The following ASCC1 variants were observed in gnomAD, a reference collection of about 807,000 sequenced individuals.
The protein encoded by ASCC1 is ASC-1 complex subunit P50.
A neutral mutation model predicts 46.6 loss-of-function variants in ASCC1; 35 were observed. That is an observed-to-expected ratio of 0.75 (90% CI 0.57 to 0.99). The LOEUF (loss-of-function observed/expected upper bound fraction) is 0.99, where lower values mean the gene tolerates loss of function less well. Among genes scored for constraint, ASCC1 ranks in the 50% least tolerant of loss-of-function variants. The probability of loss-of-function intolerance (pLI) is 0.00; values close to 1 mark genes in which losing one functional copy is unlikely to be tolerated. For synonymous variants in ASCC1, 143 were observed against 146.6 expected, an observed-to-expected ratio of 0.98 and a Z score of 0.18; for missense variants, 376 against 428.7, an observed-to-expected ratio of 0.88 and a Z score of 1.09.
At chr10:72,105,298 T>C (rs1213055565) in intron 9 of ASCC1, among the ~76,000 whole-genome samples, 3 of 152,150 alleles carry the variant, frequency 2.0e-5, no homozygotes, top group Non-Finnish European at 4.4e-5. Flanking sequence ...CTCTGGGGCT[T>C]TGGGGATCGC....
At chr10:72,138,600 CTTTTTTT>C (rs1011535460) in intron 7 of ASCC1, among the ~76,000 whole-genome samples, 26 of 104,522 alleles carry the variant, frequency 2.5e-4, no homozygotes, top group East Asian at 1.4e-3. Context: ...TTCTTTCTTT[CTTTTTTT>C]TTTTTTTTTT....
intron 9 of ASCC1, among the ~76,000 whole-genome samples, chr10:72,105,705 G>C (rs536165874): frequency 6.6e-6 from 1 of 152,206 alleles, no homozygotes; most frequent in Non-Finnish European, 1.5e-5. Context: ...TTCCTAGGGA[G>C]AACACAAAGG....
chr10:72,213,334 G>A lies in ASCC1; in HGVS notation c.-33-3C>T, dbSNP rs1589672031. On this transcript the variant is annotated splice_region_variant and splice_polypyrimidine_tract_variant and intron_variant, in intron 1 of 9. Coordinates refer to ENST00000672957, the MANE Select transcript of ASCC1 (RefSeq NM_001198800.3). ...CCAAATGATATTCCAATTATGCCCT[G>A]AAAAATATAATTACCATCTTACCTT... 7.0e-7 allele frequency: 1 copy of A among 1,434,764 alleles called. No homozygotes were observed. The highest frequency in any genetic ancestry group is 9.8e-7 in the Non-Finnish European group (1 of 1,018,584). The allele number at this position is 1,434,764 out of a possible 1,614,324, so 88.9% of individuals were successfully genotyped here.
intron 5 of ASCC1, among the ~76,000 whole-genome samples, chr10:72,170,106 G>A (rs913566095): frequency 2.0e-5 from 3 of 151,216 alleles, no homozygotes; most frequent in Non-Finnish European, 4.4e-5. Context: ...GGCGACAAGA[G>A]TGAAACTCCG....
At chr10:72,210,233 C>T (rs936762588) in intron 3 of ASCC1, among the ~76,000 whole-genome samples, 1 of 150,818 alleles carries the variant, frequency 6.6e-6, no homozygotes, top group Non-Finnish European at 1.5e-5. Context: ...AATCTCGGCT[C>T]ACTGCAACCT....
In ASCC1 at chr10:72,196,832, T is replaced by C. The variant is rs1417729705; in HGVS notation, c.468A>G (p.Glu156=). 1.9e-6 allele frequency: 3 copies of C among 1,613,226 alleles called. No homozygotes were observed. Among genetic ancestry groups the C allele is most frequent in the Admixed American group, 3.3e-5 (2 of 59,968 alleles). The change falls in exon 5 of 10, where the codon GAA becomes GAG. Residue 156 remains glutamate, a synonymous_variant. Coordinates refer to ENST00000672957, the MANE Select transcript of ASCC1 (RefSeq NM_001198800.3). ...VQEGFLRFQE[E]VLAKCSMDHG... is the part of the protein sequence containing the mutation. ...TTACCATGGAGCACTTCGCCAGTACTTCCTCCTGGAATCTCAGGAATCCTT... is the reference window on the plus strand; with the variant it reads ...TTACCATGGAGCACTTCGCCAGTACCTCCTCCTGGAATCTCAGGAATCCTT...
At chr10:72,170,716 A>T (rs967792855) in intron 5 of ASCC1, among the ~76,000 whole-genome samples, 2 of 152,174 alleles carry the variant, frequency 1.3e-5, no homozygotes, top group African/African-American at 4.8e-5. Context: ...TGAATCCCAA[A>T]CTAGAGAGGG....
In ASCC1 at chr10:72,144,491, T is replaced by A. The variant is rs12249020; in HGVS notation, c.746+8378A>T. On this transcript the variant is annotated intron_variant, in intron 7 of 9. Coordinates refer to ENST00000672957, the MANE Select transcript of ASCC1 (RefSeq NM_001198800.3). The stretch of plus-strand genomic sequence containing the variant: ...TAACATATATTGTAATTATTATATG[T>A]CTGGATTTCTTCCCACCACCTTACT... Among the ~76,000 whole-genome samples, 627 of 152,308 alleles carry A rather than the reference T, an allele frequency of 4.1e-3. 9 individuals are homozygous for A. The highest frequency in any genetic ancestry group is 0.014 in the African/African-American group (562 of 41,564).
intron 9 of ASCC1, among the ~76,000 whole-genome samples, chr10:72,110,701 C>T (rs886204765): frequency 6.6e-6 from 1 of 152,126 alleles, no homozygotes; most frequent in East Asian, 1.9e-4. Flanking sequence ...GCAGGAGAAT[C>T]GCTTGAACCC....
At chr10:72,144,713 T>C (rs1322244297) in intron 7 of ASCC1, among the ~76,000 whole-genome samples, 1 of 152,138 alleles carries the variant, frequency 6.6e-6, no homozygotes. Context: ...GCCTCTCCCT[T>C]GAAATTAAAA....
chr10:72,158,379 A>G (rs1213925282), intron 6 of ASCC1, among the ~76,000 whole-genome samples: 1 of 152,196 alleles, frequency 6.6e-6, no homozygotes, highest in African/African-American at 2.4e-5. Context: ...GAGGCACAGG[A>G]GGGTGCTGCT....
intron 5 of ASCC1, among the ~76,000 whole-genome samples, chr10:72,187,301 ACT>A (rs1375982400): frequency 6.6e-6 from 1 of 152,230 alleles, no homozygotes. Flanking sequence ...AAAGTTAGTC[ACT>A]TAAAAACTAG....
intron 8 of ASCC1, among the ~76,000 whole-genome samples, chr10:72,132,623 T>A (rs1845738779): frequency 6.6e-6 from 1 of 152,060 alleles, no homozygotes; most frequent in African/African-American, 2.4e-5. Flanking sequence ...TAACCAAAAA[T>A]GTCTCCAGAC....
chr10:72,157,585 CTTTA>C, intron 6 of ASCC1, among the ~76,000 whole-genome samples: 1 of 152,278 alleles, frequency 6.6e-6, no homozygotes, highest in Middle Eastern at 3.4e-3. Context: ...ATTCAGCATT[CTTTA>C]TTAAGATTTA....
At chr10:72,104,055 A>G (rs1466334868) in intron 9 of ASCC1, among the ~76,000 whole-genome samples, 1 of 152,164 alleles carries the variant, frequency 6.6e-6, no homozygotes, top group Non-Finnish European at 1.5e-5. Context: ...CTCAGCCATG[A>G]ACCTAGTGAT....
At chr10:72,113,330 C>T (rs1425050642) in intron 9 of ASCC1, among the ~76,000 whole-genome samples, 1 of 152,192 alleles carries the variant, frequency 6.6e-6, no homozygotes, top group Non-Finnish European at 1.5e-5. Flanking sequence ...ATTCCAGTCC[C>T]ACTGCAAAGA....
At chr10:72,167,560 T>C (rs1850511181) in intron 5 of ASCC1, among the ~76,000 whole-genome samples, 1 of 152,074 alleles carries the variant, frequency 6.6e-6, no homozygotes, top group Non-Finnish European at 1.5e-5. Flanking sequence ...AATCACTAAA[T>C]TGTACACTTA....
rs543010225 is a variant in ASCC1, at chr10:72,158,443, C to T, written c.626+3095G>A. 4.6e-5 allele frequency among the ~76,000 whole-genome samples: 7 copies of T among 152,214 alleles called. No homozygotes were observed. The South Asian group carries it at 6.2e-4, about 13-fold the overall frequency. On this transcript the variant is annotated intron_variant, in intron 6 of 9. Coordinates refer to ENST00000672957, the MANE Select transcript of ASCC1 (RefSeq NM_001198800.3). ...AGACTCCGTACTCAGAGCCAGTGCA[C>T]GGTCTGTGTCCTACATCTCACAAAG...
chr10:72,102,290 A>T, intron 9 of ASCC1: 1 of 1,522,436 alleles, frequency 6.6e-7, no homozygotes, highest in South Asian at 1.2e-5. Context: ...CATGGGGAAA[A>T]CAACAAGTTC....
Sources: gnomAD v4.1 joint callset for allele counts (sites outside exome capture counted in the v4.1 genomes callset) on GRCh38, gnomAD v4.1.1 for gene constraint, MANE v1.5 for transcripts, NCBI Gene and HGNC (gene_info 2026-07-23, HGNC 2026-07-21) for gene names.